The following SPMAP2 variants were observed in gnomAD, a reference collection of about 807,000 sequenced individuals.
SPMAP2 encodes the protein sperm microtubule associated protein 2.
At chr19:367,780 C>G in the SPMAP2 span, among the ~76,000 whole-genome samples, 526 of 152,250 alleles carry the variant, frequency 3.5e-3, 4 homozygotes, top group African/African-American at 0.012. Flanking sequence ...ACACACACCC[C>G]GGAAGGAGCC....
At chr19:364,963 A>G in the SPMAP2 span, among the ~76,000 whole-genome samples, 1 of 152,220 alleles carries the variant, frequency 6.6e-6, no homozygotes, top group Non-Finnish European at 1.5e-5. Context: ...ACTTCTGCGC[A>G]AATGAATAAG....
chr19:375,775 G>A, the SPMAP2 span: 22 of 1,610,062 alleles, frequency 1.4e-5, no homozygotes, highest in African/African-American at 4.0e-5. Flanking sequence ...ACCTCCTCGG[G>A]GGGAAGCTCC....
At chr19:374,615 GC>G in the SPMAP2 span, 6 of 671,216 alleles carry the variant, frequency 8.9e-6, no homozygotes, top group Non-Finnish European at 1.5e-5. Context: ...CAGCTCCACT[GC>G]TCGCTGGATG....
the SPMAP2 span, among the ~76,000 whole-genome samples, chr19:373,131 T>A: frequency 6.6e-6 from 1 of 152,196 alleles, no homozygotes; most frequent in Non-Finnish European, 1.5e-5. Flanking sequence ...TTCTCCTCTA[T>A]GGGGAACTCT....
At chr19:363,000 G>A in the SPMAP2 span, among the ~76,000 whole-genome samples, 1 of 152,094 alleles carries the variant, frequency 6.6e-6, no homozygotes, top group Non-Finnish European at 1.5e-5. Flanking sequence ...CAAATGTCCA[G>A]GACAGGCCAA....
chr19:370,508 A>AAT, the SPMAP2 span, among the ~76,000 whole-genome samples: 1 of 141,412 alleles, frequency 7.1e-6, no homozygotes, highest in Non-Finnish European at 1.5e-5. Context: ...CCCCCGGCTA[A>AAT]TTTTTTTTTT....
At chr19:365,770 T>C in the SPMAP2 span, among the ~76,000 whole-genome samples, 35 of 141,826 alleles carry the variant, frequency 2.5e-4, no homozygotes, top group African/African-American at 7.3e-4. Context: ...ACAGCAAGTG[T>C]GAGCACAAAC....
At chr19:375,773 G>A in the SPMAP2 span, 508 of 1,609,838 alleles carry the variant, frequency 3.2e-4, no homozygotes, top group Non-Finnish European at 3.7e-4. Flanking sequence ...CCACCTCCTC[G>A]GGGGGAAGCT....
the SPMAP2 span, among the ~76,000 whole-genome samples, chr19:369,537 A>G: frequency 2.0e-5 from 3 of 152,214 alleles, no homozygotes; most frequent in South Asian, 2.1e-4. Context: ...GGTGGCCAAG[A>G]TGGGGAAGAG....
the SPMAP2 span, among the ~76,000 whole-genome samples, chr19:367,871 T>A: frequency 6.6e-6 from 1 of 152,138 alleles, no homozygotes; most frequent in East Asian, 1.9e-4. Context: ...AGACCATTTT[T>A]TTTCTCCATA....
the SPMAP2 span, among the ~76,000 whole-genome samples, chr19:369,400 C>T: frequency 1.8e-4 from 27 of 151,816 alleles, no homozygotes; most frequent in African/African-American, 4.8e-4. Context: ...TTCCACTCCC[C>T]GCCCGGAGAA....
At chr19:369,568 C>T in the SPMAP2 span, among the ~76,000 whole-genome samples, 1 of 152,148 alleles carries the variant, frequency 6.6e-6, no homozygotes, top group Non-Finnish European at 1.5e-5. Context: ...CTCTCCCCAC[C>T]CGGAGAATGC....
At chr19:366,885 T>C in the SPMAP2 span, among the ~76,000 whole-genome samples, 1 of 152,216 alleles carries the variant, frequency 6.6e-6, no homozygotes, top group Non-Finnish European at 1.5e-5. Flanking sequence ...TACACCTTTT[T>C]TTCCTGCTAG....
the SPMAP2 span, chr19:374,446 T>A: frequency 2.2e-5 from 36 of 1,613,718 alleles, no homozygotes; most frequent in South Asian, 3.6e-4. Context: ...CACGTTGAAG[T>A]TGGAGCTGCT....
the SPMAP2 span, among the ~76,000 whole-genome samples, chr19:368,410 C>A: frequency 6.7e-6 from 1 of 149,818 alleles, no homozygotes; most frequent in Non-Finnish European, 1.5e-5. The surrounding 1 kb of genome is among the most constrained non-coding windows in gnomAD (Gnocchi z 4.1). Flanking sequence ...GGCAAAGGAC[C>A]GCTTCACACG....
At chr19:367,114 T>G in the SPMAP2 span, 1 of 1,613,130 alleles carries the variant, frequency 6.2e-7, no homozygotes, top group Non-Finnish European at 8.5e-7. Flanking sequence ...GCTTGGGTTT[T>G]GGCACGGGGT....
At chr19:368,545 C>T in the SPMAP2 span, among the ~76,000 whole-genome samples, 4 of 152,076 alleles carry the variant, frequency 2.6e-5, no homozygotes, top group Non-Finnish European at 5.9e-5. The surrounding 1 kb of genome is among the most constrained non-coding windows in gnomAD (Gnocchi z 4.1). Flanking sequence ...TGGAGGTGGC[C>T]GACCCACGCC....
At chr19:375,955 G>C in the SPMAP2 span, 1 of 1,440,604 alleles carries the variant, frequency 6.9e-7, no homozygotes, top group East Asian at 2.6e-5. Context: ...AGTGACCTTC[G>C]CCTGCTGTCC....
chr19:374,905 C>T, the SPMAP2 span, among the ~76,000 whole-genome samples: 2 of 152,256 alleles, frequency 1.3e-5, no homozygotes, highest in African/African-American at 2.4e-5. Context: ...CTGCCCTGTC[C>T]TTGCTTGATG....
Sources: allele counts gnomAD v4.1 joint callset (sites outside exome capture counted in the v4.1 genomes callset), GRCh38; gene constraint gnomAD v4.1.1; non-coding constraint Gnocchi (gnomAD v3.1); transcripts MANE v1.5; gene names NCBI Gene and HGNC (gene_info 2026-07-23, HGNC 2026-07-21).